The following CAMK2D variants were observed in gnomAD, a reference collection of about 807,000 sequenced individuals.
CAMK2D encodes the protein calcium/calmodulin dependent protein kinase II delta.
A neutral mutation model predicts 84.0 loss-of-function variants in CAMK2D; 37 were observed. The ratio of observed to expected loss-of-function variants is 0.44; its 90% confidence interval spans 0.34 to 0.58. CAMK2D has a LOEUF of 0.58. Ranked by LOEUF, CAMK2D falls within the 20% of genes least tolerant of loss-of-function variation. The pLI is 0.02. For synonymous variants in CAMK2D, 202 were observed against 212.5 expected (o/e 0.95, Z 0.43); for missense variants, 448 against 652.5 (o/e 0.69, Z 3.41).
intron 3 of CAMK2D, among the ~76,000 whole-genome samples, chr4:113,639,676 G>A (rs1561530926): frequency 6.6e-6 from 1 of 150,418 alleles, no homozygotes; most frequent in East Asian, 2.0e-4. Flanking sequence ...GGGAGAAGAA[G>A]AGCGTCTCCC....
intron 16 of CAMK2D, among the ~76,000 whole-genome samples, chr4:113,478,870 A>G (rs1199289013): frequency 6.6e-6 from 1 of 152,152 alleles, no homozygotes; most frequent in Non-Finnish European, 1.5e-5. Context: ...TGACATTTGG[A>G]GCAGGATTTT....
chr4:113,527,470 T>C (rs929061704), intron 8 of CAMK2D, among the ~76,000 whole-genome samples: 6 of 152,138 alleles, frequency 3.9e-5, no homozygotes, highest in Non-Finnish European at 5.9e-5. Context: ...TAATAGACTA[T>C]AGTACACTGT....
At chr4:113,729,897 A>T (rs896006235) in intron 2 of CAMK2D, among the ~76,000 whole-genome samples, 13 of 152,190 alleles carry the variant, frequency 8.5e-5, no homozygotes, top group Admixed American at 1.3e-4. Flanking sequence ...ACACCAAATC[A>T]ACTAGGGATT....
chr4:113,673,984 T>C (rs1464584578), intron 2 of CAMK2D, among the ~76,000 whole-genome samples: 1 of 97,456 alleles, frequency 1.0e-5, no homozygotes, highest in Non-Finnish European at 2.0e-5. Flanking sequence ...TGGTTAGAAT[T>C]CTGATTACAG....
intron 12 of CAMK2D, among the ~76,000 whole-genome samples, chr4:113,511,478 T>G (rs143983976): frequency 6.6e-6 from 1 of 152,280 alleles, no homozygotes; most frequent in African/African-American, 2.4e-5. Flanking sequence ...AGAGTGTATT[T>G]AACACTTCTT....
At chr4:113,508,804 C>T (rs886491206) in intron 13 of CAMK2D, among the ~76,000 whole-genome samples, 3 of 152,176 alleles carry the variant, frequency 2.0e-5, no homozygotes, top group Non-Finnish European at 4.4e-5. Context: ...GACCACCTGA[C>T]TTTGGGTCAA....
In CAMK2D at chr4:113,474,856, A is replaced by G. The variant is rs190005044; in HGVS notation, c.1136-9252T>C. Among the ~76,000 whole-genome samples, 1,097 of 152,232 alleles carry G rather than the reference A, an allele frequency of 7.2e-3. 15 individuals are homozygous for G. Among genetic ancestry groups the G allele is most frequent in the African/African-American group, 0.025 (1,040 of 41,536 alleles). On this transcript the variant is annotated intron_variant, in intron 16 of 20. Transcript: ENST00000511664. The stretch of plus-strand genomic sequence containing the variant: ...GAGACAGGGTTTCACCATGTTGGCC[A>G]TGCTGGTCTTGAACTCCTGACCTCA...
chr4:113,504,278 T>C (rs1431007609), intron 14 of CAMK2D, among the ~76,000 whole-genome samples: 2 of 152,210 alleles, frequency 1.3e-5, no homozygotes, highest in African/African-American at 4.8e-5. Flanking sequence ...CATAATACCA[T>C]CTCAAAGTGT....
chr4:113,634,232 G>A (rs1292829476), intron 3 of CAMK2D, among the ~76,000 whole-genome samples: 1 of 152,164 alleles, frequency 6.6e-6, no homozygotes, highest in East Asian at 1.9e-4. Flanking sequence ...TTTACACGTT[G>A]TAGGGAATAG....
chr4:113,469,403 C>T (rs2097520130), intron 16 of CAMK2D, among the ~76,000 whole-genome samples: 1 of 152,198 alleles, frequency 6.6e-6, no homozygotes, highest in South Asian at 2.1e-4. Flanking sequence ...TGCTTTTCTA[C>T]ATGTTCTCAT....
intron 16 of CAMK2D, among the ~76,000 whole-genome samples, chr4:113,488,272 A>G (rs1298973934): frequency 6.6e-6 from 1 of 152,158 alleles, no homozygotes; most frequent in Non-Finnish European, 1.5e-5. Flanking sequence ...TTATATTTGG[A>G]TAACTATGAA....
At chr4:113,716,649 C>CAAA (rs397750449) in intron 2 of CAMK2D, among the ~76,000 whole-genome samples, 3,533 of 74,790 alleles carry the variant, frequency 0.047, 116 homozygotes, top group Non-Finnish European at 0.056. Context: ...AGACTCCATC[C>CAAA]AAAAAAAAAA....
intron 8 of CAMK2D, among the ~76,000 whole-genome samples, chr4:113,518,043 G>A (rs2098309117): frequency 6.6e-6 from 1 of 152,120 alleles, no homozygotes; most frequent in Admixed American, 6.6e-5. Context: ...AACTAAGCAT[G>A]TTTTTTATTT....
At chr4:113,741,661 C>T (rs2099593268) in intron 2 of CAMK2D, among the ~76,000 whole-genome samples, 1 of 152,090 alleles carries the variant, frequency 6.6e-6, no homozygotes, top group East Asian at 1.9e-4. Flanking sequence ...TTTTTTAAAA[C>T]AAAATCCTAT....
chr4:113,688,910 C>A (rs1296240978), intron 2 of CAMK2D, among the ~76,000 whole-genome samples: 20 of 49,702 alleles, frequency 4.0e-4, no homozygotes, highest in South Asian at 1.1e-3. Context: ...AAAGAAGATG[C>A]AAAAAAAAAA....
chr4:113,466,180 C>A (rs1357441973), intron 16 of CAMK2D, among the ~76,000 whole-genome samples: 1 of 151,890 alleles, frequency 6.6e-6, no homozygotes, highest in African/African-American at 2.4e-5. Flanking sequence ...TTGCTTGAAC[C>A]TGGGAGGTGG....
intron 2 of CAMK2D, among the ~76,000 whole-genome samples, chr4:113,716,722 G>C (rs552082321): frequency 1.0e-3 from 152 of 145,986 alleles, no homozygotes; most frequent in African/African-American, 3.8e-3. Flanking sequence ...TATTTCCTTT[G>C]ATATACTTAA....
rs1338663608 is a variant in CAMK2D, at chr4:113,712,685, A to G, written c.160+46635T>C. ...TTTTTTTTAATTTAAATTCTAGTGA[A>G]AGTTTTATCACGTAAAAAATATATA... is the stretch of plus-strand genomic sequence containing the variant. On this transcript the variant is annotated intron_variant, in intron 2 of 20. Coordinates refer to ENST00000511664, the MANE Select transcript of CAMK2D (RefSeq NM_001321571.2). Among the ~76,000 whole-genome samples the G allele has an allele frequency of 3.9e-5, 6 of 152,186 alleles. No homozygotes were observed. In the East Asian group the frequency reaches 1.2e-3, roughly 29 times the overall value.
At chr4:113,619,819 GA>G (rs2099037568) in intron 3 of CAMK2D, among the ~76,000 whole-genome samples, 1 of 152,080 alleles carries the variant, frequency 6.6e-6, no homozygotes. Flanking sequence ...GACATGTCCA[GA>G]AAACTGAAAA....
Sources: gnomAD v4.1 joint callset for allele counts (sites outside exome capture counted in the v4.1 genomes callset) on GRCh38, gnomAD v4.1.1 for gene constraint, MANE v1.5 for transcripts, NCBI Gene and HGNC (gene_info 2026-07-23, HGNC 2026-07-21) for gene names.